The following NACC2 variants were observed in gnomAD, a reference collection of about 807,000 sequenced individuals.
NACC2 encodes NACC family member 2, also known as nucleus accumbens-associated protein 2.
In NACC2, 8 loss-of-function variants were observed where a neutral mutation model predicts 25.1. That is an observed-to-expected ratio of 0.32 (90% CI 0.19 to 0.57). NACC2 has a LOEUF of 0.57. NACC2 is among the 20% of genes least tolerant of loss of function. The pLI, the probability that NACC2 is intolerant of heterozygous loss-of-function variation, is 0.89. For missense variants in NACC2, 644 were observed against 650.2 expected (o/e 0.99, Z 0.10); for synonymous variants, 435 against 294.7 (o/e 1.48, Z -4.88).
intron 2 of NACC2, among the ~76,000 whole-genome samples, chr9:136,042,691 CAG>C (rs1359368138): frequency 5.4e-5 from 8 of 149,094 alleles, no homozygotes; most frequent in African/African-American, 2.1e-4. Context: ...CATACACACA[CAG>C]ACACACACAC....
intron 1 of NACC2, among the ~76,000 whole-genome samples, chr9:136,053,012 G>A (rs1400656166): frequency 3.3e-5 from 5 of 152,254 alleles, no homozygotes; most frequent in Admixed American, 1.3e-4. Context: ...CCCAGGAAGA[G>A]CACATTCCAC....
intron 1 of NACC2, among the ~76,000 whole-genome samples, chr9:136,083,025 C>T (rs1273008822): frequency 6.6e-6 from 1 of 152,250 alleles, no homozygotes; most frequent in Admixed American, 6.5e-5. Flanking sequence ...CATCTACACT[C>T]ACATGAAAGC....
At chr9:136,077,772 T>G (rs73552962) in intron 1 of NACC2, among the ~76,000 whole-genome samples, 2,545 of 152,270 alleles carry the variant, frequency 0.017, 73 homozygotes, top group African/African-American at 0.058. Flanking sequence ...AACAAAATTG[T>G]GCTTAAAATT....
intron 1 of NACC2, among the ~76,000 whole-genome samples, chr9:136,052,258 C>T (rs1278558051): frequency 2.6e-5 from 4 of 152,166 alleles, no homozygotes; most frequent in African/African-American, 9.7e-5. Flanking sequence ...TTCCCGGTGC[C>T]ACGGCAACTG....
chr9:136,074,747 CCT>C (rs1450567986), intron 1 of NACC2, among the ~76,000 whole-genome samples: 6 of 152,076 alleles, frequency 3.9e-5, no homozygotes, highest in African/African-American at 7.2e-5. Context: ...ACGACCATCC[CCT>C]GTGACTCCCA....
chr9:136,009,883 G>T lies in NACC2; in HGVS notation c.*1633C>A, dbSNP rs376853537. 3 of 152,372 alleles carry T rather than the reference G, an allele frequency of 2.0e-5. No homozygotes were observed. The highest frequency in any genetic ancestry group is 2.1e-4 in the South Asian group (1 of 4,830). The allele number at this position is 152,372 out of a possible 1,614,324, so 9.4% of individuals were successfully genotyped here. A position where few individuals can be genotyped will look rare whatever the true frequency, so the allele number is the denominator to read the frequency against. ...GCGCAGGGCTGCACTTGTTTTGCAA[G>T]TGAAGATGGGGAAGCCGAGTTCTGG... On this transcript the variant is annotated 3_prime_UTR_variant, in exon 6 of 6. Transcript: ENST00000277554.
chr9:136,066,392 C>T (rs193056824), intron 1 of NACC2, among the ~76,000 whole-genome samples: 1 of 152,260 alleles, frequency 6.6e-6, no homozygotes, highest in East Asian at 1.9e-4. Flanking sequence ...CCAATATACA[C>T]ACGCAAAAAT....
rs540942857 is a variant in NACC2 at position 136,063,565 on chromosome 9, G to A, written c.-59-12985C>T. On this transcript the variant is annotated intron_variant, in intron 1 of 5. Coordinates refer to ENST00000277554, the MANE Select transcript of NACC2 (RefSeq NM_144653.5). ...GTATAGAGTTTTTCCTACCTGGGAAGGGTATGCACAAACAAGATTAGGAAA... is the reference window on the plus strand; with the variant it reads ...GTATAGAGTTTTTCCTACCTGGGAAAGGTATGCACAAACAAGATTAGGAAA... Among the ~76,000 whole-genome samples, 288 of 152,340 alleles carry A rather than the reference G, an allele frequency of 1.9e-3. 7 individuals carry two copies. The highest frequency in any genetic ancestry group is 1.4e-3 in the Non-Finnish European group (95 of 68,040).
chr9:136,061,085 AG>A (rs1323714968), intron 1 of NACC2, among the ~76,000 whole-genome samples: 1 of 152,044 alleles, frequency 6.6e-6, no homozygotes, highest in African/African-American at 2.4e-5. Context: ...TGGCTAGGGG[AG>A]GAGGAACAAT....
intron 2 of NACC2, among the ~76,000 whole-genome samples, chr9:136,029,109 G>A (rs1234617203): frequency 6.6e-6 from 1 of 152,190 alleles, no homozygotes; most frequent in African/African-American, 2.4e-5. Context: ...GAAGCCCAGG[G>A]CCCAGGCTGT....
At chr9:136,058,850 C>T (rs1840967994) in intron 1 of NACC2, among the ~76,000 whole-genome samples, 1 of 152,240 alleles carries the variant, frequency 6.6e-6, no homozygotes, top group Non-Finnish European at 1.5e-5. Context: ...AAGTCCTTGG[C>T]AGAGCTCAAG....
intron 2 of NACC2, among the ~76,000 whole-genome samples, chr9:136,042,332 C>T (rs1363541621): frequency 6.6e-6 from 1 of 152,202 alleles, no homozygotes; most frequent in Non-Finnish European, 1.5e-5. Context: ...ACCTACACAA[C>T]CTGACTTCAA....
Position 136,013,756 on chromosome 9 carries a change from A to G in NACC2, c.1157+108T>C, listed in dbSNP as rs1840151282. 1 of 980,286 alleles carries G rather than the reference A, an allele frequency of 1.0e-6. No homozygotes were observed. Among genetic ancestry groups the G allele is most frequent in the Non-Finnish European group, 1.5e-6 (1 of 663,636 alleles). 60.7% of individuals were successfully genotyped at this position (980,286 alleles called of 1,614,324 possible). On this transcript the variant is annotated intron_variant, in intron 4 of 5. Transcript: ENST00000277554. The surrounding 1 kb of genome is among the most constrained non-coding windows in gnomAD (Gnocchi z 6.6). Reference sequence around the variant, plus strand: ...GGCCACGGCTGAAGTCAGGAATGCGAGAGGGCTTTCAATGCCACAACCCTG... The same window carrying G: ...GGCCACGGCTGAAGTCAGGAATGCGGGAGGGCTTTCAATGCCACAACCCTG...
chr9:136,080,846 C>T (rs1830315647), intron 1 of NACC2, among the ~76,000 whole-genome samples: 1 of 152,152 alleles, frequency 6.6e-6, no homozygotes, highest in Non-Finnish European at 1.5e-5. Flanking sequence ...GTGCCCGGCG[C>T]AAACTCCAGC....
At chr9:136,031,474 A>G (rs1338260846) in intron 2 of NACC2, among the ~76,000 whole-genome samples, 4 of 152,242 alleles carry the variant, frequency 2.6e-5, no homozygotes, top group East Asian at 3.9e-4. Flanking sequence ...AGCAGCTGGG[A>G]TTACAGGTGT....
chr9:136,041,102 A>AGGAAGGAAG (rs1404559265), intron 2 of NACC2, among the ~76,000 whole-genome samples: 1 of 151,694 alleles, frequency 6.6e-6, no homozygotes, highest in Non-Finnish European at 1.5e-5. Flanking sequence ...AGGAAAGGAA[A>AGGAAGGAAG]GGAAGGAAGG....
At position 136,084,203 on chromosome 9, in the gene NACC2, C is replaced by A. The variant is rs1417025943; in HGVS notation, c.-60+10986G>T. 1.3e-5 allele frequency among the ~76,000 whole-genome samples: 2 copies of A among 152,110 alleles called. No individual in the cohort carries two copies. The highest frequency in any genetic ancestry group is 2.4e-5 in the African/African-American group (1 of 41,408). On this transcript the variant is annotated intron_variant, in intron 1 of 5. Transcript: ENST00000277554. The surrounding 1 kb of genome is among the most constrained non-coding windows in gnomAD (Gnocchi z 5.1). ...GATGAGACCCTCAACACCCACTCAC[C>A]AACCTGCAGCCTCCCCGCTCCCAGG...
intron 2 of NACC2, among the ~76,000 whole-genome samples, chr9:136,045,181 G>A (rs1301712209): frequency 2.0e-5 from 3 of 152,222 alleles, no homozygotes; most frequent in African/African-American, 7.2e-5. Flanking sequence ...CTTAGGGATG[G>A]GTGCCTGACC....
chr9:136,093,297 G>C (rs559238769), intron 1 of NACC2, among the ~76,000 whole-genome samples: 9 of 152,334 alleles, frequency 5.9e-5, no homozygotes, highest in Admixed American at 3.3e-4. Context: ...GCAGCCTCAT[G>C]CTTTAATTGG....
Sources: gnomAD v4.1 joint callset for allele counts (sites outside exome capture counted in the v4.1 genomes callset) on GRCh38, gnomAD v4.1.1 for gene constraint, Gnocchi (gnomAD v3.1) non-coding constraint, MANE v1.5 for transcripts, NCBI Gene and HGNC (gene_info 2026-07-23, HGNC 2026-07-21) for gene names.